Variants in GTF3C2 observed in about 807,000 individuals in gnomAD.
GTF3C2 encodes general transcription factor 3C polypeptide 2.
GTF3C2 carries 17 observed loss-of-function variants against 117.4 expected under a neutral mutation model. That is an observed-to-expected ratio of 0.14 (90% CI 0.10 to 0.22). The LOEUF (loss-of-function observed/expected upper bound fraction) is 0.22. GTF3C2 is among the 10% of genes least tolerant of loss of function. GTF3C2 has a pLI of 1.00. For missense variants in GTF3C2, 888 were observed against 1,143.6 expected (o/e 0.78, Z 3.22); for synonymous variants, 437 against 427.0 (o/e 1.02, Z -0.29).
At chr2:27,350,467 A>C in intron 1 of GTF3C2, 1 of 985,608 alleles carries the variant, frequency 1.0e-6, no homozygotes. Context: ...GTGCTTATCA[A>C]ACTGGGAAGG....
At chr2:27,334,646 T>C (rs1366227678) in intron 10 of GTF3C2, among the ~76,000 whole-genome samples, 1 of 130,950 alleles carries the variant, frequency 7.6e-6, no homozygotes, top group Non-Finnish European at 1.7e-5. Context: ...CACAGCGAAA[T>C]TTTTTTTTTT....
intron 1 of GTF3C2, 68 bp from the exon 2 acceptor site, chr2:27,343,646 C>T: frequency 7.7e-7 from 1 of 1,306,730 alleles, no homozygotes; most frequent in South Asian, 1.3e-5. Context: ...TTTTTATTTC[C>T]CCATCTTTTC....
At chr2:27,338,427 C>T (rs1255450492) in intron 4 of GTF3C2, among the ~76,000 whole-genome samples, 1 of 151,746 alleles carries the variant, frequency 6.6e-6, no homozygotes, top group Admixed American at 6.6e-5. Flanking sequence ...GTCGTCTTCT[C>T]GCCCCTCTAC....
At chr2:27,330,782 G>A (rs959981656) in intron 12 of GTF3C2, among the ~76,000 whole-genome samples, 2 of 152,204 alleles carry the variant, frequency 1.3e-5, no homozygotes, top group African/African-American at 4.8e-5. Context: ...ACAATATGGT[G>A]AAATCTCATC....
chr2:27,328,223 T>A, intron 16 of GTF3C2, 34 bp from the exon 17 acceptor site: 1 of 1,494,684 alleles, frequency 6.7e-7, no homozygotes, highest in Non-Finnish European at 9.1e-7. Flanking sequence ...GGTTCTATAA[T>A]ACTCAAGACA....
chr2:27,327,022 G>GT (rs1296697378), intron 18 of GTF3C2, 129 bp from the exon 19 acceptor site: 16 of 703,708 alleles, frequency 2.3e-5, no homozygotes, highest in African/African-American at 3.6e-5. Flanking sequence ...GGTGACAGAG[G>GT]TAAGAATGAA....
chr2:27,335,635 T>C, exon 10 of GTF3C2: 2 of 1,557,762 alleles, frequency 1.3e-6, no homozygotes, highest in Non-Finnish European at 1.7e-6. Flanking sequence ...CCGGATGGGG[T>C]AGACTGAATA....
At chr2:27,349,505 A>AG (rs1681049379) in intron 1 of GTF3C2, among the ~76,000 whole-genome samples, 1 of 152,196 alleles carries the variant, frequency 6.6e-6, no homozygotes, top group Non-Finnish European at 1.5e-5. Context: ...CTAAAACAAA[A>AG]TAACTCAAAA....
chr2:27,345,916 T>C (rs1379129504), intron 1 of GTF3C2, among the ~76,000 whole-genome samples: 1 of 151,696 alleles, frequency 6.6e-6, no homozygotes, highest in Non-Finnish European at 1.5e-5. Context: ...GGTTTCACCA[T>C]GTTGACCAGG....
chr2:27,354,628 G>A (rs1205773529), intron 1 of GTF3C2, among the ~76,000 whole-genome samples: 5 of 152,062 alleles, frequency 3.3e-5, no homozygotes, highest in Non-Finnish European at 5.9e-5. Flanking sequence ...GGTGGCAGGC[G>A]CCTGTAATCC....
At chr2:27,327,077 A>T in intron 18 of GTF3C2, 100 bp downstream of exon 18, 5 of 704,676 alleles carry the variant, frequency 7.1e-6, no homozygotes, top group Non-Finnish European at 7.4e-6. Context: ...GAGGAGGAGG[A>T]GGTTGTCATC....
At chr2:27,326,597 C>T in exon 19 of GTF3C2, 1 of 1,083,616 alleles carries the variant, frequency 9.2e-7, no homozygotes, top group Non-Finnish European at 1.4e-6. Context: ...AGGGAAGGCC[C>T]CCAGTTCCTA....
chr2:27,337,847 C>T (rs1015226570), intron 5 of GTF3C2, 79 bp downstream of exon 5: 26 of 848,498 alleles, frequency 3.1e-5, no homozygotes, highest in Non-Finnish European at 4.9e-5. Context: ...TTCTCTTTCC[C>T]ACGGCCCCAC....
At chr2:27,343,038 A>C (rs1680791545) in exon 3 of GTF3C2, 1 of 1,613,942 alleles carries the variant, frequency 6.2e-7, no homozygotes, top group African/African-American at 1.3e-5. Context: ...GGGCTGATGG[A>C]GGATTAGGCT....
At chr2:27,328,750 C>T (rs1680178999) in intron 15 of GTF3C2, 94 bp downstream of exon 15, 10 of 1,089,864 alleles carry the variant, frequency 9.2e-6, no homozygotes, top group East Asian at 2.4e-5. Flanking sequence ...CCTATCTTCT[C>T]CTTCTACCCA....
chr2:27,330,647 T>C (rs1046780787), intron 12 of GTF3C2, among the ~76,000 whole-genome samples: 2 of 151,536 alleles, frequency 1.3e-5, no homozygotes, highest in South Asian at 2.1e-4. Context: ...CTGGGCAATA[T>C]AGTGAGACCC....
intron 1 of GTF3C2, chr2:27,356,065 G>T: frequency 7.8e-7 from 1 of 1,280,052 alleles, no homozygotes; most frequent in Non-Finnish European, 1.0e-6. Flanking sequence ...TATGCCTCTG[G>T]AACAAAGAGG....
At chr2:27,344,845 C>T (rs1480125137) in intron 1 of GTF3C2, among the ~76,000 whole-genome samples, 1 of 151,920 alleles carries the variant, frequency 6.6e-6, no homozygotes, top group African/African-American at 2.4e-5. Flanking sequence ...GTTAGCCGGG[C>T]ATGGTGGTGC....
intron 12 of GTF3C2, among the ~76,000 whole-genome samples, chr2:27,331,744 G>A (rs1338872018): frequency 6.6e-6 from 1 of 151,980 alleles, no homozygotes; most frequent in Non-Finnish European, 1.5e-5. Flanking sequence ...GTGAAGACCA[G>A]CCTGGGCAAC....
Sources: allele counts gnomAD v4.1 joint callset (sites outside exome capture counted in the v4.1 genomes callset), GRCh38; gene constraint gnomAD v4.1.1; transcripts MANE v1.5; gene names NCBI Gene and HGNC (gene_info 2026-07-23, HGNC 2026-07-21).